The following SPHKAP variants were observed in gnomAD, a reference collection of about 807,000 sequenced individuals.
The protein encoded by SPHKAP is A-kinase anchor protein SPHKAP.
A neutral mutation model predicts 137.5 loss-of-function variants in SPHKAP; 67 were observed. The observed-to-expected ratio is 0.49, with a 90% confidence interval of 0.40 to 0.60. The LOEUF (loss-of-function observed/expected upper bound fraction) is 0.60. Ranked by LOEUF, SPHKAP falls within the 20% of genes least tolerant of loss-of-function variation. SPHKAP has a pLI of 0.00. For missense variants in SPHKAP, 2,097 were observed against 2,069.3 expected (o/e 1.01, Z -0.26); for synonymous variants, 813 against 785.3 (o/e 1.04, Z -0.59).
chr2:228,086,273 T>C (rs552533766), intron 3 of SPHKAP, among the ~76,000 whole-genome samples: 3 of 152,284 alleles, frequency 2.0e-5, no homozygotes, highest in African/African-American at 7.2e-5. Flanking sequence ...AAAACTCCGC[T>C]AGAAGAGATA....
Position 228,017,506 on chromosome 2 carries a change from G to A in SPHKAP, c.3348C>T (p.Val1116=). 6.2e-7 allele frequency: 1 copy of A among 1,613,484 alleles called. No individual in the cohort carries two copies. The highest frequency in any genetic ancestry group is 8.5e-7 in the Non-Finnish European group (1 of 1,179,832). The part of the protein sequence containing the change: ...LSQPVSRASS[V]SKQSSCESIT... ...TGCTCTCACAGCTCGACTGCTTGGAGACAGAGCTGGCCCTGCTGACCGGCT... is the reference window on the plus strand; with the variant it reads ...TGCTCTCACAGCTCGACTGCTTGGAAACAGAGCTGGCCCTGCTGACCGGCT... The change falls in exon 7 of 12, where the codon GTC becomes GTT. Residue 1116 remains valine (V), a synonymous_variant. Coordinates refer to ENST00000392056, the MANE Select transcript of SPHKAP (RefSeq NM_001142644.2).
chr2:228,176,829 C>G (rs906092275), intron 1 of SPHKAP, among the ~76,000 whole-genome samples: 9 of 152,276 alleles, frequency 5.9e-5, no homozygotes, highest in African/African-American at 2.2e-4. Flanking sequence ...GAGCAGAGAT[C>G]GCGCCATTGC....
At position 228,181,367 on chromosome 2, in the gene SPHKAP, C is replaced by T. The variant is rs116007053; in HGVS notation, c.32+200G>A. ...AGCGCACAGGCCCCACTCAGCATCG[C>T]GCCCTGTGGGGCAGTTGACAGGGTC... On this transcript the variant is annotated intron_variant, in intron 1 of 11. Transcript: ENST00000392056. The surrounding 1 kb of genome is among the most constrained non-coding windows in gnomAD (Gnocchi z 4.3). Among the ~76,000 whole-genome samples, 1 of 152,258 alleles carries T rather than the reference C, an allele frequency of 6.6e-6. No individual in the cohort carries two copies. Among genetic ancestry groups the T allele is most frequent in the Non-Finnish European group, 1.5e-5 (1 of 68,016 alleles).
At chr2:228,125,003 T>A (rs1032336632) in intron 2 of SPHKAP, among the ~76,000 whole-genome samples, 6 of 152,208 alleles carry the variant, frequency 3.9e-5, no homozygotes, top group African/African-American at 1.4e-4. Context: ...TGAAACTTCA[T>A]AAAGCTGTTC....
intron 3 of SPHKAP, among the ~76,000 whole-genome samples, chr2:228,065,106 G>C (rs895147991): frequency 8.5e-5 from 13 of 152,196 alleles, no homozygotes; most frequent in African/African-American, 2.7e-4. Context: ...TTAACTGTGA[G>C]TGTGGCATAT....
At chr2:228,016,269 ATTTTT>A (rs370982894) in intron 7 of SPHKAP, 132 bp downstream of exon 7, 89 of 1,179,162 alleles carry the variant, frequency 7.5e-5, no homozygotes, top group African/African-American at 2.1e-4. Flanking sequence ...TCATTAACTC[ATTTTT>A]TTTTTTTTTG....
intron 3 of SPHKAP, among the ~76,000 whole-genome samples, chr2:228,041,834 T>A (rs10193773): frequency 2.0e-5 from 3 of 151,548 alleles, no homozygotes; most frequent in African/African-American, 4.9e-5. Context: ...ATGTGCAGAC[T>A]CTGGCTCTGC....
intron 3 of SPHKAP, among the ~76,000 whole-genome samples, chr2:228,033,362 C>T (rs1342616635): frequency 6.6e-6 from 1 of 152,172 alleles, no homozygotes; most frequent in Non-Finnish European, 1.5e-5. Flanking sequence ...AATACAGGAG[C>T]ACCAAGATTC....
chr2:228,113,711 T>G (rs891667347), intron 2 of SPHKAP, among the ~76,000 whole-genome samples: 2 of 151,152 alleles, frequency 1.3e-5, no homozygotes, highest in East Asian at 2.0e-4. Flanking sequence ...ACTGTGTAGT[T>G]AAGTCCACTA....
At chr2:228,007,842 A>G (rs1179031461) in intron 7 of SPHKAP, among the ~76,000 whole-genome samples, 1 of 152,158 alleles carries the variant, frequency 6.6e-6, no homozygotes, top group Non-Finnish European at 1.5e-5. Context: ...TGGTGTAGGA[A>G]AACTGGATAG....
chr2:227,986,418 G>A (rs148203599), intron 11 of SPHKAP, among the ~76,000 whole-genome samples: 1 of 152,274 alleles, frequency 6.6e-6, no homozygotes, highest in East Asian at 1.9e-4. Flanking sequence ...GAGACTTGGG[G>A]CAAAGGGTTG....
chr2:228,166,972 C>T (rs1700440169), intron 1 of SPHKAP, among the ~76,000 whole-genome samples: 1 of 151,984 alleles, frequency 6.6e-6, no homozygotes, highest in Admixed American at 6.6e-5. Flanking sequence ...GGGGAGGGTG[C>T]CATACACTTT....
intron 1 of SPHKAP, among the ~76,000 whole-genome samples, chr2:228,168,237 T>G (rs1700477956): frequency 1.3e-5 from 2 of 152,264 alleles, no homozygotes; most frequent in South Asian, 4.1e-4. Context: ...TTTTCTGTTG[T>G]TTTAAAGAAA....
intron 3 of SPHKAP, among the ~76,000 whole-genome samples, chr2:228,092,757 G>A (rs1052148688): frequency 1.2e-4 from 18 of 151,602 alleles, no homozygotes; most frequent in African/African-American, 3.4e-4. Context: ...GGCATTCACA[G>A]CAACCTGGAT....
chr2:228,019,899 C>A lies in SPHKAP; in HGVS notation c.955G>T (p.Ala319Ser), dbSNP rs764557282. 6.2e-7 allele frequency: 1 copy of A among 1,614,214 alleles called. No individual in the cohort carries two copies. Among genetic ancestry groups the A allele is most frequent in the Non-Finnish European group, 8.5e-7 (1 of 1,180,036 alleles). The part of the protein sequence containing the change: ...KREAVGNGRQ[A>S]THYYHSEAFK... ...GCTTCTGAATGATAATAATGTGTGG[C>A]TTGTCTCCCATTCCCCACAGCTTCT... Residue 319 changes from alanine to serine, a missense_variant, in exon 7 of 12, where the codon GCC becomes TCC. Ala to Ser is a moderately conservative substitution (Grantham distance 99). Coordinates refer to ENST00000392056, the MANE Select transcript of SPHKAP (RefSeq NM_001142644.2).
chr2:228,073,920 G>C (rs1044503557), intron 3 of SPHKAP, among the ~76,000 whole-genome samples: 3 of 152,094 alleles, frequency 2.0e-5, no homozygotes, highest in Non-Finnish European at 2.9e-5. Context: ...CAGTGTCATG[G>C]GGAGGACCAA....
chr2:228,160,052 T>G (rs1013377519), intron 1 of SPHKAP, among the ~76,000 whole-genome samples: 5 of 152,290 alleles, frequency 3.3e-5, no homozygotes, highest in African/African-American at 1.2e-4. Flanking sequence ...CCTCCATCAC[T>G]TTGAAGAAGA....
intron 3 of SPHKAP, among the ~76,000 whole-genome samples, chr2:228,107,614 A>G (rs531636506): frequency 1.3e-4 from 20 of 152,244 alleles, no homozygotes; most frequent in African/African-American, 4.6e-4. Flanking sequence ...GAGACTTTTT[A>G]TTAGGAGCTG....
chr2:228,135,057 C>T (rs138274999), intron 1 of SPHKAP, among the ~76,000 whole-genome samples: 2,952 of 152,068 alleles, frequency 0.019, 99 homozygotes, highest in African/African-American at 0.068. Context: ...GGTGGATCAC[C>T]TGAGGTCGGG....
Sources: gnomAD v4.1 joint callset for allele counts (sites outside exome capture counted in the v4.1 genomes callset) on GRCh38, gnomAD v4.1.1 for gene constraint, Gnocchi (gnomAD v3.1) non-coding constraint, MANE v1.5 for transcripts, NCBI Gene and HGNC (gene_info 2026-07-23, HGNC 2026-07-21) for gene names.